SLC24A2: variants seen among roughly 807,000 people sequenced by gnomAD.
SLC24A2 encodes the protein solute carrier family 24 member 2.
In SLC24A2, 36 loss-of-function variants were observed where a neutral mutation model predicts 62.0. The ratio of observed to expected loss-of-function variants is 0.58; its 90% CI spans 0.44 to 0.77. SLC24A2 has a LOEUF of 0.77. SLC24A2 is among the 30% of genes least tolerant of loss of function. The pLI is 0.00. For missense variants in SLC24A2, 846 were observed against 817.9 expected (o/e 1.03, Z -0.42); for synonymous variants, 358 against 294.0 (o/e 1.22, Z -2.23).
chr9:20,009,468 G>C, the SLC24A2 span, among the ~76,000 whole-genome samples: 2 of 151,530 alleles, frequency 1.3e-5, no homozygotes, highest in African/African-American at 4.8e-5. Flanking sequence ...TCTGAACTTT[G>C]GCCAATGGAG....
At chr9:19,715,971 T>A (rs995693586) in intron 2 of SLC24A2, among the ~76,000 whole-genome samples, 4 of 152,266 alleles carry the variant, frequency 2.6e-5, no homozygotes, top group Middle Eastern at 3.4e-3. Flanking sequence ...ATAAAAGAGG[T>A]ACCCCCATTC....
the SLC24A2 span, among the ~76,000 whole-genome samples, chr9:19,939,336 T>A: frequency 9.1e-3 from 1,383 of 152,350 alleles, 23 homozygotes; most frequent in African/African-American, 0.032. Context: ...GGCTATATGG[T>A]ATATAGCCTA....
the SLC24A2 span, among the ~76,000 whole-genome samples, chr9:19,867,104 G>T: frequency 3.3e-5 from 5 of 152,062 alleles, no homozygotes; most frequent in South Asian, 4.2e-4. Context: ...ATTCTTGAGG[G>T]TATCTATAAT....
At chr9:19,861,009 T>C in the SLC24A2 span, among the ~76,000 whole-genome samples, 2 of 152,162 alleles carry the variant, frequency 1.3e-5, no homozygotes, top group Non-Finnish European at 2.9e-5. Context: ...CTAGAGGAAC[T>C]TGACGCCCTG....
At position 19,515,203 on chromosome 9, in the gene SLC24A2, T is replaced by A. The variant is rs1832877392; in HGVS notation, c.*950A>T. Reference sequence around the variant, plus strand: ...GTCCTAGAAAAAGCACTAATTTGGTTTGTAGTCATATTTTCTACTTGCATG... The same window carrying A: ...GTCCTAGAAAAAGCACTAATTTGGTATGTAGTCATATTTTCTACTTGCATG... On this transcript the variant is annotated 3_prime_UTR_variant, in exon 11 of 11. Coordinates refer to ENST00000341998, the MANE Select transcript of SLC24A2 (RefSeq NM_020344.4). The A allele has an allele frequency of 6.6e-6, 1 of 152,138 alleles. No individual in the cohort carries two copies. The highest frequency in any genetic ancestry group is 1.5e-5 in the Non-Finnish European group (1 of 68,030). The allele number at this position is 152,138 out of a possible 1,614,324, so 9.4% of individuals were successfully genotyped here.
At chr9:20,164,826 C>T in the SLC24A2 span, among the ~76,000 whole-genome samples, 418 of 151,766 alleles carry the variant, frequency 2.8e-3, 1 homozygote, top group African/African-American at 9.4e-3. Context: ...GAGTTCATGT[C>T]CTTTTTAGGG....
At chr9:19,532,614 T>C (rs950095883) in intron 8 of SLC24A2, among the ~76,000 whole-genome samples, 5 of 152,196 alleles carry the variant, frequency 3.3e-5, no homozygotes, top group African/African-American at 1.2e-4. Context: ...ATAAAGAAAC[T>C]GATAATTGGG....
the SLC24A2 span, among the ~76,000 whole-genome samples, chr9:20,269,282 T>C: frequency 2.0e-5 from 3 of 152,152 alleles, no homozygotes; most frequent in Non-Finnish European, 4.4e-5. Flanking sequence ...TTTTTATCCC[T>C]GTTGTATAGG....
At chr9:19,874,814 CAAATTGTAAGCAAATAATTTG>C in the SLC24A2 span, among the ~76,000 whole-genome samples, 1 of 152,088 alleles carries the variant, frequency 6.6e-6, no homozygotes, top group Non-Finnish European at 1.5e-5. Context: ...TCTGCATTTC[CAAATTGTAAGCAAATAATTTG>C]AGCAGAGGTA....
rs1554665738 is a variant in SLC24A2 at position 19,513,178 on chromosome 9, A to ATATATATG, written c.*2974_*2975insCATATATA. ...GATATATATATATATATATATATGT[A>ATATATATG]TATATATATATATGTATATATTTAT... On this transcript the variant is annotated 3_prime_UTR_variant, in exon 11 of 11. Transcript: ENST00000341998. 2.8e-4 allele frequency: 30 copies of ATATATATG among 108,190 alleles called. No homozygotes were observed. In the Middle Eastern group the frequency reaches 0.015, roughly 53 times the overall value. 6.7% of individuals were successfully genotyped at this position (108,190 alleles called of 1,614,324 possible).
At chr9:19,688,732 CTGATA>C (rs1348204019) in intron 2 of SLC24A2, among the ~76,000 whole-genome samples, 8 of 152,168 alleles carry the variant, frequency 5.3e-5, no homozygotes, top group Admixed American at 4.6e-4. Context: ...TATTATTTTA[CTGATA>C]TAAGTTTCTT....
chr9:19,931,470 T>A, the SLC24A2 span, among the ~76,000 whole-genome samples: 4 of 152,248 alleles, frequency 2.6e-5, no homozygotes, highest in Admixed American at 2.0e-4. Context: ...AAAATTATTA[T>A]TTTTTCTCTA....
the SLC24A2 span, among the ~76,000 whole-genome samples, chr9:20,193,526 T>G: frequency 6.6e-6 from 1 of 151,984 alleles, no homozygotes; most frequent in Non-Finnish European, 1.5e-5. Context: ...ATATGTAATG[T>G]ATTTTAACAC....
At chr9:19,596,371 A>C (rs971841299) in intron 5 of SLC24A2, among the ~76,000 whole-genome samples, 4 of 152,192 alleles carry the variant, frequency 2.6e-5, no homozygotes, top group African/African-American at 9.7e-5. Flanking sequence ...AAAAACCTTA[A>C]ATGTTTTTCA....
At chr9:20,054,789 G>C in the SLC24A2 span, among the ~76,000 whole-genome samples, 5 of 152,116 alleles carry the variant, frequency 3.3e-5, no homozygotes, top group African/African-American at 9.7e-5. Flanking sequence ...ACATGGTGAG[G>C]AATTAGTATG....
chr9:20,198,250 T>C, the SLC24A2 span, among the ~76,000 whole-genome samples: 1 of 152,180 alleles, frequency 6.6e-6, no homozygotes, highest in Admixed American at 6.5e-5. Context: ...TTTTTTCTTG[T>C]TTGAAGTCAC....
chr9:19,914,927 C>T, the SLC24A2 span, among the ~76,000 whole-genome samples: 1 of 151,976 alleles, frequency 6.6e-6, no homozygotes, highest in Admixed American at 6.6e-5. Context: ...TATTTTAAAA[C>T]ATGTATTTTA....
the SLC24A2 span, among the ~76,000 whole-genome samples, chr9:19,918,320 C>T: frequency 6.7e-6 from 1 of 149,422 alleles, no homozygotes; most frequent in Non-Finnish European, 1.5e-5. Flanking sequence ...TTATGAAAGA[C>T]TGGCCTGGCA....
intron 6 of SLC24A2, among the ~76,000 whole-genome samples, chr9:19,576,691 A>G (rs1836021036): frequency 6.6e-6 from 1 of 152,214 alleles, no homozygotes; most frequent in South Asian, 2.1e-4. Flanking sequence ...CAGGTTCCTC[A>G]GAGAATAAAT....
Sources: allele counts gnomAD v4.1 joint callset (sites outside exome capture counted in the v4.1 genomes callset), GRCh38; gene constraint gnomAD v4.1.1; transcripts MANE v1.5; gene names NCBI Gene and HGNC (gene_info 2026-07-23, HGNC 2026-07-21).